The following PPM1E variants were observed in gnomAD, a reference collection of about 807,000 sequenced individuals.
PPM1E encodes the protein protein phosphatase, Mg2+/Mn2+ dependent 1E.
A neutral mutation model predicts 65.9 loss-of-function variants in PPM1E; 20 were observed. That is an observed-to-expected ratio of 0.30 (90% confidence interval 0.21 to 0.44). The LOEUF (loss-of-function observed/expected upper bound fraction) is 0.44. Ranked by LOEUF, PPM1E falls within the 20% of genes least tolerant of loss-of-function variation. PPM1E has a pLI of 1.00. For missense variants in PPM1E, 713 were observed against 953.1 expected (o/e 0.75, Z 3.32); for synonymous variants, 352 against 374.9 (o/e 0.94, Z 0.70).
intron 1 of PPM1E, among the ~76,000 whole-genome samples, chr17:58,896,105 ACT>A (rs2051411411): frequency 7.4e-6 from 1 of 135,412 alleles, no homozygotes; most frequent in Non-Finnish European, 1.6e-5. Flanking sequence ...ACAGAGCAAG[ACT>A]CTGTCTCAAA....
At chr17:58,835,296 A>T (rs1346717570) in intron 1 of PPM1E, among the ~76,000 whole-genome samples, 1 of 152,170 alleles carries the variant, frequency 6.6e-6, no homozygotes, top group Non-Finnish European at 1.5e-5. Flanking sequence ...AGCCACAATC[A>T]TTTGTGCCAC....
At chr17:58,833,176 A>G (rs1014892756) in intron 1 of PPM1E, among the ~76,000 whole-genome samples, 1 of 151,850 alleles carries the variant, frequency 6.6e-6, no homozygotes, top group Non-Finnish European at 1.5e-5. Context: ...GTATAAATTC[A>G]TATGACCATT....
At chr17:58,844,936 C>T (rs1345944045) in intron 1 of PPM1E, among the ~76,000 whole-genome samples, 7 of 152,170 alleles carry the variant, frequency 4.6e-5, no homozygotes, top group Non-Finnish European at 1.0e-4. Context: ...ATATTTCTAT[C>T]AATAACCTTT....
intron 1 of PPM1E, among the ~76,000 whole-genome samples, chr17:58,909,887 TTTTCTTTC>T (rs753479819): frequency 6.6e-5 from 10 of 150,530 alleles, no homozygotes; most frequent in East Asian, 1.9e-4. Flanking sequence ...TCTTAGTCAT[TTTTCTTTC>T]TTTCTTTCTT....
chr17:58,809,689 AT>A lies in PPM1E; in HGVS notation c.464+53235del, dbSNP rs536451385. 6.8e-4 allele frequency among the ~76,000 whole-genome samples: 103 copies of A among 151,250 alleles called. 1 individual carries two copies. The highest frequency in any genetic ancestry group is 2.5e-3 in the African/African-American group (101 of 41,182). Reference sequence around the variant, plus strand: ...TGAGCCACTGTGCCCAGCCCCCCTCATTTTTTTCATTGCCACTTATCTGTTG... The same window carrying A: ...TGAGCCACTGTGCCCAGCCCCCCTCATTTTTTCATTGCCACTTATCTGTTG... On this transcript the variant is annotated intron_variant, in intron 1 of 6. Transcript: ENST00000308249.
chr17:58,894,674 A>G (rs768156259), intron 1 of PPM1E, among the ~76,000 whole-genome samples: 13 of 152,150 alleles, frequency 8.5e-5, no homozygotes, highest in African/African-American at 2.7e-4. Flanking sequence ...CCATATACAC[A>G]CACACATACA....
At chr17:58,873,761 ATTTTTTT>A (rs1205169911) in intron 1 of PPM1E, among the ~76,000 whole-genome samples, 2 of 136,782 alleles carry the variant, frequency 1.5e-5, no homozygotes, top group East Asian at 4.2e-4. Context: ...TGCCCAGCTA[ATTTTTTT>A]TTTTTTTTTT....
At chr17:58,901,714 C>T (rs112053892) in intron 1 of PPM1E, among the ~76,000 whole-genome samples, 1 of 151,802 alleles carries the variant, frequency 6.6e-6, no homozygotes, top group African/African-American at 2.4e-5. Flanking sequence ...CGGTGGCTCA[C>T]ACCTATAATC....
At chr17:58,819,644 C>T (rs1256673904) in intron 1 of PPM1E, among the ~76,000 whole-genome samples, 1 of 151,922 alleles carries the variant, frequency 6.6e-6, no homozygotes, top group East Asian at 1.9e-4. Context: ...GGGGAGGCCT[C>T]AGGAAATGTA....
chr17:58,808,816 G>A (rs1201874869), intron 1 of PPM1E, among the ~76,000 whole-genome samples: 3 of 151,756 alleles, frequency 2.0e-5, no homozygotes, highest in African/African-American at 7.3e-5. Flanking sequence ...GTCACTCCTT[G>A]TTCCCATCCC....
chr17:58,889,427 C>T (rs1363608266), intron 1 of PPM1E, among the ~76,000 whole-genome samples: 2 of 152,172 alleles, frequency 1.3e-5, no homozygotes, highest in Non-Finnish European at 2.9e-5. Flanking sequence ...GGTGAAACCC[C>T]ATCTCTACTA....
chr17:58,925,760 G>A lies in PPM1E; in HGVS notation c.465-29889G>A, dbSNP rs369385757. 3.3e-5 allele frequency among the ~76,000 whole-genome samples: 5 copies of A among 152,062 alleles called. No individual in the cohort carries two copies. The East Asian group carries it at 7.7e-4, about 24-fold the overall frequency. On this transcript the variant is annotated intron_variant, in intron 1 of 6. Coordinates refer to ENST00000308249, the MANE Select transcript of PPM1E (RefSeq NM_014906.5). ...TCTTGTAAATTTGTTTAAGTTCTTT[G>A]TTGATTCTGGATATTGGACCTTTGT...
At chr17:58,837,320 A>AACACACATACACAC (rs751021723) in intron 1 of PPM1E, among the ~76,000 whole-genome samples, 10,686 of 119,630 alleles carry the variant, frequency 0.089, 527 homozygotes, top group Middle Eastern at 0.15. Context: ...GAATGAGAAT[A>AACACACATACACAC]ACACACACAC....
At position 58,756,304 on chromosome 17, in the gene PPM1E, G is replaced by A; in HGVS notation, c.307G>A (p.Ala103Thr). 2.0e-6 allele frequency: 3 copies of A among 1,512,186 alleles called. No individual in the cohort carries two copies. Among genetic ancestry groups the A allele is most frequent in the Non-Finnish European group, 2.7e-6 (3 of 1,130,974 alleles). The allele number at this position is 1,512,186 out of a possible 1,614,324, so 93.7% of individuals were successfully genotyped here. A position where few individuals can be genotyped will look rare whatever the true frequency, so the allele number is the denominator to read the frequency against. Reference protein sequence around the residue: ...VEGEEEEEGAATAAAAPGHSA... With the variant: ...VEGEEEEEGATTAAAAPGHSA... ...GGGTGAGGAGGAGGAGGAGGGCGCG[G>A]CGACGGCGGCGGCAGCCCCGGGGCA... Residue 103 changes from alanine (A) to threonine (T), a missense_variant, in exon 1 of 7, where the codon GCG becomes ACG. Coordinates refer to ENST00000308249, the MANE Select transcript of PPM1E (RefSeq NM_014906.5).
intron 2 of PPM1E, among the ~76,000 whole-genome samples, chr17:58,960,481 A>G (rs894930259): frequency 1.3e-5 from 2 of 152,236 alleles, no homozygotes; most frequent in Non-Finnish European, 2.9e-5. Context: ...AATAACAATT[A>G]AAGCAAAGTT....
intron 1 of PPM1E, among the ~76,000 whole-genome samples, chr17:58,771,470 A>G (rs1343724719): frequency 1.3e-5 from 2 of 151,916 alleles, no homozygotes; most frequent in East Asian, 1.9e-4. Flanking sequence ...CTAAAAATAC[A>G]AAAATTAGCC....
At chr17:58,792,689 A>G (rs2050167211) in intron 1 of PPM1E, among the ~76,000 whole-genome samples, 1 of 150,390 alleles carries the variant, frequency 6.6e-6, no homozygotes, top group Non-Finnish European at 1.5e-5. Flanking sequence ...TTCCTATGTA[A>G]CATGGCTATA....
At chr17:58,908,053 A>G (rs961518481) in intron 1 of PPM1E, among the ~76,000 whole-genome samples, 2 of 145,890 alleles carry the variant, frequency 1.4e-5, no homozygotes, top group Middle Eastern at 3.3e-3. Flanking sequence ...CTTTGTTTCT[A>G]TTTTTGTCTT....
intron 1 of PPM1E, among the ~76,000 whole-genome samples, chr17:58,918,961 A>G (rs2051718375): frequency 1.3e-5 from 2 of 152,164 alleles, no homozygotes; most frequent in African/African-American, 4.8e-5. Context: ...TTTATGAGCT[A>G]CAGTTATGAG....
Sources: allele counts gnomAD v4.1 joint callset (sites outside exome capture counted in the v4.1 genomes callset), GRCh38; gene constraint gnomAD v4.1.1; transcripts MANE v1.5; gene names NCBI Gene and HGNC (gene_info 2026-07-23, HGNC 2026-07-21).